COL5A3: variants seen among roughly 807,000 people sequenced by gnomAD.
COL5A3 encodes collagen alpha-3(V) chain.
Under a neutral mutation model 250.0 loss-of-function variants are expected in COL5A3, and 172 were observed. The ratio of observed to expected loss-of-function variants is 0.69; its 90% CI spans 0.61 to 0.78. COL5A3 has a LOEUF of 0.78. Among genes scored for constraint, COL5A3 ranks in the 30% least tolerant of loss-of-function variants. The probability of loss-of-function intolerance (pLI) is 0.00; values close to 1 mark genes in which losing one functional copy is unlikely to be tolerated. For missense variants in COL5A3, 2,340 were observed against 2,334.4 expected (o/e 1.00, Z -0.05); for synonymous variants, 937 against 900.4 (o/e 1.04, Z -0.73).
Position 9,976,569 on chromosome 19 carries a change from G to C in COL5A3, c.3331C>G (p.Pro1111Ala). Residue 1111 changes from proline (P) to alanine (A), a missense_variant, in exon 45 of 67, where the codon CCA (proline) becomes GCA (alanine). Transcript: ENST00000264828. ...QPGIRGPAGHPGPPGADGAQG... is the reference protein window; with the variant it reads ...QPGIRGPAGHAGPPGADGAQG... Reference sequence around the variant, plus strand: ...ATGGGGGCACTCACCGGGGGACCTGGGTGTCCTGCAGGACCCCGTATCCCT... The same window carrying C: ...ATGGGGGCACTCACCGGGGGACCTGCGTGTCCTGCAGGACCCCGTATCCCT... 1 of 1,568,688 alleles carries C rather than the reference G, an allele frequency of 6.4e-7. No individual in the cohort carries two copies. The highest frequency in any genetic ancestry group is 8.6e-7 in the Non-Finnish European group (1 of 1,164,664).
At chr19:9,992,740 G>T in intron 21 of COL5A3, 87 bp downstream of exon 21, 1 of 1,355,660 alleles carries the variant, frequency 7.4e-7, no homozygotes, top group African/African-American at 1.4e-5. Flanking sequence ...TCTCGCCACC[G>T]CACTCCAGCC....
In COL5A3 at chr19:10,010,441, G is replaced by T; in HGVS notation, c.-56C>A. On this transcript the variant is annotated 5_prime_UTR_variant, in exon 1 of 67. Transcript: ENST00000264828. ...CCAGTCGGGGCGGCTGCGGGGCGCG[G>T]CGACTTCTCGGGCTCGGTGCAGTCA... 1 of 1,202,580 alleles carries T rather than the reference G, an allele frequency of 8.3e-7. No homozygotes were observed. Among genetic ancestry groups the T allele is most frequent in the Non-Finnish European group, 1.1e-6 (1 of 923,528 alleles). 74.5% of individuals were successfully genotyped at this position (1,202,580 alleles called of 1,614,324 possible).
At chr19:9,979,472 G>C in intron 37 of COL5A3, 55 bp from the exon 38 acceptor site, 3 of 1,574,572 alleles carry the variant, frequency 1.9e-6, no homozygotes, top group Non-Finnish European at 1.7e-6. Context: ...GGATGGAGGA[G>C]CAGGAGACAG....
chr19:10,007,024 T>G lies in COL5A3; in HGVS notation c.89-793A>C, dbSNP rs187429819. 8.8e-5 allele frequency among the ~76,000 whole-genome samples: 13 copies of G among 148,332 alleles called. No individual in the cohort carries two copies. In the East Asian group the frequency reaches 2.7e-3, roughly 30 times the overall value. ...GAATGTCTCCTCTGATCTCCTCTCC[T>G]GACTTTCCCCTCTGACCTCCTCCCT... is the stretch of plus-strand genomic sequence containing the variant. On this transcript the variant is annotated intron_variant, in intron 1 of 66. Coordinates refer to ENST00000264828, the MANE Select transcript of COL5A3 (RefSeq NM_015719.4).
intron 1 of COL5A3, among the ~76,000 whole-genome samples, chr19:10,006,502 T>TC (rs1459319465): frequency 2.0e-5 from 3 of 152,032 alleles, no homozygotes; most frequent in African/African-American, 7.3e-5. Context: ...TTGACCTAGT[T>TC]CTGGGATGAA....
Position 9,966,212 on chromosome 19 carries a change from C to T in COL5A3, c.4782+102G>A, listed in dbSNP as rs2086742561. 4.5e-6 allele frequency: 4 copies of T among 879,244 alleles called. No homozygotes were observed. In the African/African-American group the frequency reaches 5.0e-5, roughly 11 times the overall value. The allele number at this position is 879,244 out of a possible 1,614,324, so 54.5% of individuals were successfully genotyped here. A position where few individuals can be genotyped will look rare whatever the true frequency, so the allele number is the denominator to read the frequency against. Reference sequence around the variant, plus strand: ...GCATACAGTAAGTGCTCAATAAATGCCGGTTGAAGGAAGGATAACGTCCCA... The same window carrying T: ...GCATACAGTAAGTGCTCAATAAATGTCGGTTGAAGGAAGGATAACGTCCCA... On this transcript the variant is annotated intron_variant, in intron 64 of 66. Transcript: ENST00000264828.
Position 9,968,677 on chromosome 19 carries a change from T to C in COL5A3, c.4204A>G (p.Lys1402Glu), listed in dbSNP as rs777027146. 8.1e-6 allele frequency: 13 copies of C among 1,606,994 alleles called. No individual in the cohort carries two copies. Among genetic ancestry groups the C allele is most frequent in the Non-Finnish European group, 1.1e-5 (13 of 1,177,346 alleles). The stretch of plus-strand genomic sequence containing the variant: ...GAATAATGGAATGATGTCCTTACCT[T>C]TTCCCCCTTGGGGCCAGTGTCTCCC... The part of the protein sequence containing the change: ...LKGDTGPKGE[K>E]GHIGLIGLIG... Residue 1402 changes from lysine to glutamate, a missense_variant and splice_region_variant, in exon 58 of 67, where the codon AAG becomes GAG. By Grantham distance (56) the Lys-to-Glu change is moderately conservative. Around this residue, in one of 3 missense-constraint regions of COL5A3, gnomAD observed 1,179 missense variants for 1,162.6 expected, o/e 1.01. Transcript: ENST00000264828. The surrounding 1 kb of genome is among the most constrained non-coding windows in gnomAD (Gnocchi z 4.1).
intron 56 of COL5A3, 57 bp from the exon 57 acceptor site, chr19:9,969,459 C>G: frequency 1.3e-6 from 2 of 1,587,794 alleles, no homozygotes; most frequent in Non-Finnish European, 8.6e-7. Flanking sequence ...CAGTGTGGAC[C>G]CCCCCCCGAC....
At position 9,960,111 on chromosome 19, in the gene COL5A3, G is replaced by A. The variant is rs2086650189; in HGVS notation, c.*300C>T. On this transcript the variant is annotated 3_prime_UTR_variant, in exon 67 of 67. Coordinates refer to ENST00000264828, the MANE Select transcript of COL5A3 (RefSeq NM_015719.4). ...TTTGTTCATCAGCTCTGAGTTAGAA[G>A]CTCATTGCATGGGGGTTCAAGGGGT... 1 of 398,530 alleles carries A rather than the reference G, an allele frequency of 2.5e-6. No individual in the cohort carries two copies. The highest frequency in any genetic ancestry group is 4.9e-5 in the East Asian group (1 of 20,336). The allele number at this position is 398,530 out of a possible 1,614,324, so 24.7% of individuals were successfully genotyped here. A position where few individuals can be genotyped will look rare whatever the true frequency, so the allele number is the denominator to read the frequency against.
intron 6 of COL5A3, among the ~76,000 whole-genome samples, chr19:10,002,558 T>A (rs1461398961): frequency 2.0e-5 from 3 of 148,906 alleles, no homozygotes; most frequent in Non-Finnish European, 3.0e-5. Context: ...CCCACTCCCA[T>A]CAATGGCCTC....
In COL5A3 at chr19:9,960,811, C is replaced by A. The variant is rs371310005; in HGVS notation, c.4931G>T (p.Arg1644Leu). 10 of 1,613,506 alleles carry A rather than the reference C, an allele frequency of 6.2e-6. No homozygotes were observed. The highest frequency in any genetic ancestry group is 7.6e-6 in the Non-Finnish European group (9 of 1,180,042). The change falls in exon 66 of 67, where the codon CGC becomes CTC. Residue 1644 changes from arginine (R) to leucine (L), a missense_variant. Around this residue, in one of 3 missense-constraint regions of COL5A3, gnomAD observed 1,179 missense variants for 1,162.6 expected, o/e 1.01. Coordinates refer to ENST00000264828, the MANE Select transcript of COL5A3 (RefSeq NM_015719.4). ...CTGGCAGGAGTAGGTGAAGTTCTGG[C>A]GAGCTGTGGCACTCAGCAGTTTCAG... ...NFLKLLSATA[R>L]QNFTYSCQNA...
intron 16 of COL5A3, 41 bp downstream of exon 16, chr19:9,995,523 G>T (rs1366719396): frequency 8.9e-6 from 14 of 1,565,040 alleles, no homozygotes; most frequent in Non-Finnish European, 1.2e-5. Flanking sequence ...GGGTGTTGAG[G>T]GATGGATAAG....
At chr19:10,007,820 T>C (rs760082008) in intron 1 of COL5A3, among the ~76,000 whole-genome samples, 9 of 152,078 alleles carry the variant, frequency 5.9e-5, no homozygotes, top group Non-Finnish European at 1.2e-4. Flanking sequence ...CTGTTTCCTC[T>C]TGCCTCCAAT....
rs1402016631 is a variant in COL5A3 at position 9,966,443 on chromosome 19, C to G, written c.4670-17G>C. The G allele has an allele frequency of 2.5e-5, 40 of 1,585,340 alleles. No homozygotes were observed. Among genetic ancestry groups the G allele is most frequent in the Non-Finnish European group, 3.3e-5 (38 of 1,162,214 alleles). ...AGTATTCCCCTGCCGCAGAGCCAGGCAGGGTGGGTGAGTCCGGATGGGACC... is the reference window on the plus strand; with the variant it reads ...AGTATTCCCCTGCCGCAGAGCCAGGGAGGGTGGGTGAGTCCGGATGGGACC... On this transcript the variant is annotated splice_polypyrimidine_tract_variant and intron_variant, in intron 63 of 66. Transcript: ENST00000264828.
At chr19:9,965,156 C>CT (rs771519552) in intron 64 of COL5A3, among the ~76,000 whole-genome samples, 7,670 of 100,224 alleles carry the variant, frequency 0.077, 359 homozygotes, top group South Asian at 0.12. Context: ...TTTTCTTTTT[C>CT]TTTTTTTTTT....
chr19:9,977,480 G>A lies in COL5A3; in HGVS notation c.3127-8C>T, dbSNP rs777482752. ...AGGGGGGCCACGTTCTCCCTGTTGT[G>A]GGGAATGGAAAGGGGGATGTCAGGG... On this transcript the variant is annotated splice_polypyrimidine_tract_variant and splice_region_variant and intron_variant, in intron 42 of 66. Transcript: ENST00000264828. 1 of 1,514,102 alleles carries A rather than the reference G, an allele frequency of 6.6e-7. No individual in the cohort carries two copies. The highest frequency in any genetic ancestry group is 8.8e-7 in the Non-Finnish European group (1 of 1,129,988). The allele number at this position is 1,514,102 out of a possible 1,614,324, so 93.8% of individuals were successfully genotyped here.
intron 4 of COL5A3, among the ~76,000 whole-genome samples, 167 bp downstream of exon 4, chr19:10,005,391 A>T (rs2087427117): frequency 6.6e-6 from 1 of 151,828 alleles, no homozygotes; most frequent in Non-Finnish European, 1.5e-5. Flanking sequence ...CTGCAATCTC[A>T]CAATCACAGG....
intron 27 of COL5A3, 79 bp downstream of exon 27, chr19:9,989,045 A>G: frequency 1.4e-6 from 2 of 1,463,464 alleles, no homozygotes; most frequent in Non-Finnish European, 1.9e-6. Flanking sequence ...CCACACATCC[A>G]GAAGTTTCTG....
At chr19:9,998,690 CTT>C (rs112231822) in intron 8 of COL5A3, among the ~76,000 whole-genome samples, 15,323 of 144,820 alleles carry the variant, frequency 0.11, 2,476 homozygotes, top group African/African-American at 0.35. Context: ...TTTCTTTCTT[CTT>C]TTTTTTTTTT....
Sources: allele counts gnomAD v4.1 joint callset (sites outside exome capture counted in the v4.1 genomes callset), GRCh38; gene constraint gnomAD v4.1.1; regional missense constraint gnomAD v4.1.1; non-coding constraint Gnocchi (gnomAD v3.1); transcripts MANE v1.5; gene names NCBI Gene and HGNC (gene_info 2026-07-23, HGNC 2026-07-21).